SHISA9: variants seen among roughly 807,000 people sequenced by gnomAD.
SHISA9 encodes protein shisa-9.
Under a neutral mutation model 38.0 loss-of-function variants are expected in SHISA9, and 13 were observed. The ratio of observed to expected loss-of-function variants is 0.34; its 90% CI spans 0.22 to 0.54. SHISA9 has a LOEUF of 0.54. SHISA9 is among the 20% of genes least tolerant of loss of function. The probability of loss-of-function intolerance (pLI) is 0.91; values close to 1 mark genes in which losing one functional copy is unlikely to be tolerated. For missense variants in SHISA9, 538 were observed against 575.8 expected, an observed-to-expected ratio of 0.93 and a Z score of 0.67; for synonymous variants, 275 against 242.0, an observed-to-expected ratio of 1.14 and a Z score of -1.27.
the SHISA9 span, among the ~76,000 whole-genome samples, chr16:13,410,590 C>T: frequency 1.3e-5 from 2 of 151,978 alleles, no homozygotes; most frequent in African/African-American, 2.4e-5. Context: ...CCTACAGTTT[C>T]GAAAATATGC....
At chr16:13,260,210 G>T in the SHISA9 span, among the ~76,000 whole-genome samples, 1 of 151,318 alleles carries the variant, frequency 6.6e-6, no homozygotes, top group African/African-American at 2.4e-5. Context: ...TAGAGATGGG[G>T]TTTCACCGTG....
chr16:13,453,546 T>C, the SHISA9 span, among the ~76,000 whole-genome samples: 1 of 152,248 alleles, frequency 6.6e-6, no homozygotes, highest in African/African-American at 2.4e-5. Context: ...GACAGACACA[T>C]GGAACAAAGC....
chr16:13,145,647 G>A (rs191740756), intron 2 of SHISA9, among the ~76,000 whole-genome samples: 23 of 152,328 alleles, frequency 1.5e-4, no homozygotes, highest in African/African-American at 4.3e-4. Context: ...TTTTTGTTGA[G>A]AGAATTAAAG....
intron 2 of SHISA9, among the ~76,000 whole-genome samples, chr16:13,080,848 C>A (rs1295864266): frequency 6.6e-6 from 1 of 152,162 alleles, no homozygotes. Flanking sequence ...GCTCTGGAGA[C>A]TGGGAAGTCG....
At chr16:13,367,737 CACACACACACA>C in the SHISA9 span, among the ~76,000 whole-genome samples, 1 of 148,182 alleles carries the variant, frequency 6.7e-6, no homozygotes, top group African/African-American at 2.6e-5. Context: ...CACACACACA[CACACACACACA>C]CCCCTGAATT....
At chr16:13,418,788 G>A in the SHISA9 span, among the ~76,000 whole-genome samples, 1 of 152,216 alleles carries the variant, frequency 6.6e-6, no homozygotes. Context: ...CTAACCTTGA[G>A]AACACAGAAG....
At chr16:13,193,319 T>C (rs1461697768) in intron 2 of SHISA9, among the ~76,000 whole-genome samples, 1 of 152,120 alleles carries the variant, frequency 6.6e-6, no homozygotes, top group Non-Finnish European at 1.5e-5. Flanking sequence ...GGGAAAGTTG[T>C]TTTTACATGG....
chr16:13,536,674 A>G, the SHISA9 span, among the ~76,000 whole-genome samples: 4 of 152,270 alleles, frequency 2.6e-5, no homozygotes, highest in African/African-American at 7.2e-5. Flanking sequence ...AAAAATGTAC[A>G]AAGACAGTAG....
At chr16:13,347,170 G>C in the SHISA9 span, among the ~76,000 whole-genome samples, 1 of 152,178 alleles carries the variant, frequency 6.6e-6, no homozygotes, top group South Asian at 2.1e-4. Context: ...AAGAAAAGGA[G>C]GGAAAATTGC....
chr16:13,456,591 T>A, the SHISA9 span, among the ~76,000 whole-genome samples: 2 of 152,222 alleles, frequency 1.3e-5, no homozygotes, highest in Non-Finnish European at 2.9e-5. Flanking sequence ...ACTCCTGGAA[T>A]GTCATGCCTG....
chr16:12,961,141 A>G (rs1457265621), intron 2 of SHISA9, among the ~76,000 whole-genome samples: 2 of 152,154 alleles, frequency 1.3e-5, no homozygotes, highest in African/African-American at 4.8e-5. Flanking sequence ...ATGAGTGGGA[A>G]TGACCAGCTG....
the SHISA9 span, among the ~76,000 whole-genome samples, chr16:13,483,353 A>G: frequency 0.83 from 126,531 of 152,148 alleles, 52,775 homozygotes; most frequent in East Asian, 0.96. Flanking sequence ...GGATCCGAAC[A>G]CTTTACAGAA....
intron 2 of SHISA9, among the ~76,000 whole-genome samples, chr16:13,154,965 G>GTA (rs1158288186): frequency 1.5e-4 from 23 of 152,212 alleles, no homozygotes; most frequent in African/African-American, 4.6e-4. Context: ...ATCACTCATG[G>GTA]TACACATGGC....
the SHISA9 span, among the ~76,000 whole-genome samples, chr16:13,469,324 A>AGAG: frequency 2.5e-5 from 2 of 81,348 alleles, no homozygotes; most frequent in African/African-American, 1.1e-4. Context: ...GAGAGAGAGA[A>AGAG]AGAAAGAAAG....
At chr16:13,138,910 C>T (rs1354183214) in intron 2 of SHISA9, among the ~76,000 whole-genome samples, 2 of 152,022 alleles carry the variant, frequency 1.3e-5, no homozygotes, top group Admixed American at 1.3e-4. Flanking sequence ...TTTACCTTTG[C>T]TTTTTGATTC....
the SHISA9 span, among the ~76,000 whole-genome samples, chr16:13,292,326 C>G: frequency 1.3e-5 from 2 of 151,908 alleles, no homozygotes; most frequent in Non-Finnish European, 2.9e-5. Context: ...AATCCTGAAA[C>G]AGAGGAGTTG....
At chr16:13,323,789 GA>G in the SHISA9 span, among the ~76,000 whole-genome samples, 1 of 152,124 alleles carries the variant, frequency 6.6e-6, no homozygotes, top group Non-Finnish European at 1.5e-5. Context: ...CAGCATAGGG[GA>G]AACTGCCTCC....
chr16:13,174,675 C>T (rs956238609), intron 2 of SHISA9, among the ~76,000 whole-genome samples: 1 of 152,164 alleles, frequency 6.6e-6, no homozygotes, highest in Admixed American at 6.5e-5. Context: ...CAATGCCCTC[C>T]TCTCACATGG....
the SHISA9 span, among the ~76,000 whole-genome samples, chr16:13,455,015 T>G: frequency 2.5e-5 from 1 of 39,690 alleles, no homozygotes; most frequent in African/African-American, 5.9e-5. Flanking sequence ...GCTACCTTCT[T>G]TTTTTTTTAT....
Sources: allele counts gnomAD v4.1 joint callset (sites outside exome capture counted in the v4.1 genomes callset), GRCh38; gene constraint gnomAD v4.1.1; transcripts MANE v1.5; gene names NCBI Gene and HGNC (gene_info 2026-07-23, HGNC 2026-07-21).